METTL15: variants seen among roughly 807,000 people sequenced by gnomAD.
The protein encoded by METTL15 is methyltransferase 15, mitochondrial 12S rRNA N4-cytidine, also known as 12S rRNA N(4)-cytidine methyltransferase METTL15.
A neutral mutation model predicts 38.3 loss-of-function variants in METTL15; 34 were observed. The ratio of observed to expected loss-of-function variants is 0.89; its 90% CI spans 0.68 to 1.18. METTL15 has a LOEUF of 1.18. Among genes scored for constraint, METTL15 ranks in the 50% most tolerant of loss-of-function variants. The pLI, the probability that METTL15 is intolerant of heterozygous loss-of-function variation, is 0.00. For missense variants in METTL15, 438 were observed against 498.4 expected, an observed-to-expected ratio of 0.88 and a Z score of 1.15; for synonymous variants, 162 against 170.9, an observed-to-expected ratio of 0.95 and a Z score of 0.41.
chr11:28,405,359 C>T (rs1369735635), intron 5 of METTL15, among the ~76,000 whole-genome samples: 2 of 152,152 alleles, frequency 1.3e-5, no homozygotes, highest in African/African-American at 4.8e-5. Flanking sequence ...ACATGCAGTG[C>T]TTGCCATATG....
chr11:28,152,075 A>G (rs1009443010), intron 3 of METTL15, among the ~76,000 whole-genome samples: 1 of 151,954 alleles, frequency 6.6e-6, no homozygotes, highest in Non-Finnish European at 1.5e-5. Flanking sequence ...TTTATTTCCC[A>G]AGACTTTTAG....
chr11:28,495,465 TG>T (rs758191741), intron 6 of METTL15, among the ~76,000 whole-genome samples: 4 of 152,146 alleles, frequency 2.6e-5, no homozygotes, highest in Non-Finnish European at 4.4e-5. Context: ...TGAGCATGCT[TG>T]TAAGGGGGGT....
chr11:28,430,439 G>A (rs1215339380), intron 6 of METTL15, among the ~76,000 whole-genome samples: 1 of 53,398 alleles, frequency 1.9e-5, no homozygotes, highest in African/African-American at 7.5e-5. Context: ...CTGCCCGGCC[G>A]CCCCTACTGG....
chr11:28,252,262 G>A (rs1277034938), intron 4 of METTL15, among the ~76,000 whole-genome samples: 2 of 152,134 alleles, frequency 1.3e-5, no homozygotes, highest in Admixed American at 6.6e-5. Context: ...AAAGGGAATA[G>A]GAAATGTTGG....
At chr11:28,226,373 A>T (rs1026847065) in intron 4 of METTL15, among the ~76,000 whole-genome samples, 1 of 152,026 alleles carries the variant, frequency 6.6e-6, no homozygotes, top group Admixed American at 6.6e-5. Flanking sequence ...TTCAGAAAAG[A>T]TTAAACAAAC....
chr11:28,394,143 G>C (rs143364236), intron 5 of METTL15, among the ~76,000 whole-genome samples: 1,670 of 152,180 alleles, frequency 0.011, 16 homozygotes, highest in Admixed American at 0.017. Flanking sequence ...GAAAGAAGTG[G>C]CAGAGCAGAG....
At chr11:28,395,573 A>C (rs559452064) in intron 5 of METTL15, among the ~76,000 whole-genome samples, 1 of 152,284 alleles carries the variant, frequency 6.6e-6, no homozygotes, top group East Asian at 1.9e-4. Flanking sequence ...TGAATCCCTG[A>C]ACAGACCAAT....
At chr11:28,358,603 A>C (rs891900900) in intron 4 of METTL15, among the ~76,000 whole-genome samples, 4 of 151,850 alleles carry the variant, frequency 2.6e-5, no homozygotes, top group African/African-American at 9.7e-5. Flanking sequence ...CCTCCCCTGA[A>C]CTCCCTTAAT....
intron 6 of METTL15, among the ~76,000 whole-genome samples, chr11:28,492,510 G>A (rs936120367): frequency 1.5e-5 from 2 of 129,334 alleles, no homozygotes; most frequent in Admixed American, 1.8e-4. Flanking sequence ...TTTAGAAAAG[G>A]CAACTGGAGC....
intron 3 of METTL15, among the ~76,000 whole-genome samples, chr11:28,344,182 T>A (rs1564901752): frequency 3.3e-5 from 5 of 152,194 alleles, no homozygotes; most frequent in Admixed American, 1.3e-4. Context: ...TTTCTCAAAA[T>A]GCTCTCTGTA....
chr11:28,259,777 T>C (rs1471124938), intron 4 of METTL15, among the ~76,000 whole-genome samples: 2 of 152,196 alleles, frequency 1.3e-5, no homozygotes, highest in Non-Finnish European at 2.9e-5. Context: ...CTTTCAGTGA[T>C]ATGAAGTTAA....
intron 6 of METTL15, among the ~76,000 whole-genome samples, chr11:28,483,463 A>G (rs969261107): frequency 2.0e-5 from 3 of 152,122 alleles, no homozygotes; most frequent in African/African-American, 7.2e-5. Context: ...TTGGATTTCA[A>G]TCTTTTTTTT....
chr11:28,401,826 G>T (rs1850633625), intron 5 of METTL15, among the ~76,000 whole-genome samples: 1 of 151,984 alleles, frequency 6.6e-6, no homozygotes, highest in Non-Finnish European at 1.5e-5. Flanking sequence ...AGATAGCTCA[G>T]AGAAGTCACT....
intron 3 of METTL15, among the ~76,000 whole-genome samples, chr11:28,348,269 A>G (rs1850013226): frequency 6.6e-6 from 1 of 152,176 alleles, no homozygotes; most frequent in Admixed American, 6.5e-5. Context: ...AATTATTATG[A>G]TTATTGCCAA....
intron 3 of METTL15, among the ~76,000 whole-genome samples, chr11:28,151,006 C>T (rs1197089193): frequency 1.2e-5 from 1 of 84,534 alleles, no homozygotes; most frequent in Non-Finnish European, 2.5e-5. Flanking sequence ...CAACAGTGAC[C>T]AAAAAAAAAA....
At chr11:28,185,846 A>G (rs1264355273) in intron 3 of METTL15, among the ~76,000 whole-genome samples, 3 of 150,206 alleles carry the variant, frequency 2.0e-5, no homozygotes, top group Non-Finnish European at 3.0e-5. Context: ...CTATGTTTTC[A>G]TGGAGTTTCT....
intron 6 of METTL15, chr11:28,519,009 T>G (rs2133509333): frequency 6.6e-6 from 1 of 152,208 alleles, no homozygotes; most frequent in Middle Eastern, 3.4e-3. Context: ...GGGAGGAGAG[T>G]CATTGCTTTT....
intron 6 of METTL15, among the ~76,000 whole-genome samples, chr11:28,432,303 A>G (rs374181019): frequency 6.6e-6 from 1 of 152,348 alleles, no homozygotes; most frequent in African/African-American, 2.4e-5. Flanking sequence ...AGTTCAATCA[A>G]AGTTAGGTAT....
chr11:28,178,694 C>T (rs941617317), intron 3 of METTL15, among the ~76,000 whole-genome samples: 6 of 151,622 alleles, frequency 4.0e-5, no homozygotes, highest in African/African-American at 1.5e-4. Flanking sequence ...TTTTAATAGT[C>T]CCATTTTTCA....
Sources: allele counts gnomAD v4.1 joint callset (sites outside exome capture counted in the v4.1 genomes callset), GRCh38; gene constraint gnomAD v4.1.1; transcripts MANE v1.5; gene names NCBI Gene and HGNC (gene_info 2026-07-23, HGNC 2026-07-21).